Variants in IFNAR2 observed in about 807,000 individuals in gnomAD.
The protein encoded by IFNAR2 is interferon alpha and beta receptor subunit 2, also known as interferon alpha/beta receptor 2.
A neutral mutation model predicts 49.4 loss-of-function variants in IFNAR2; 30 were observed. The ratio of observed to expected loss-of-function variants is 0.61; its 90% CI spans 0.45 to 0.82. IFNAR2 has a LOEUF of 0.82. Among genes scored for constraint, IFNAR2 ranks in the 40% least tolerant of loss-of-function variants. The pLI is 0.00. For missense variants in IFNAR2, 600 were observed against 622.7 expected (o/e 0.96, Z 0.39); for synonymous variants, 224 against 234.5 (o/e 0.96, Z 0.41).
At chr21:33,238,671 G>C (rs915286075) in intron 1 of IFNAR2, among the ~76,000 whole-genome samples, 1 of 134,746 alleles carries the variant, frequency 7.4e-6, no homozygotes, top group Non-Finnish European at 1.6e-5. Context: ...GTGTTTTTTT[G>C]GGGGGGTTGT....
chr21:33,251,392 T>G (rs1170489188), intron 6 of IFNAR2: 1 of 183,720 alleles, frequency 5.4e-6, no homozygotes, highest in Non-Finnish European at 1.0e-5. Context: ...AAAAGTAGTT[T>G]TAATAGAGTT....
chr21:33,248,658 C>A, intron 5 of IFNAR2, 51 bp from the exon 6 acceptor site: 1 of 1,517,474 alleles, frequency 6.6e-7, no homozygotes, highest in South Asian at 1.3e-5. Flanking sequence ...ACTTTGTGGG[C>A]CACATATGGT....
In IFNAR2 at chr21:33,230,926, G is replaced by T. The variant is rs1568871950; in HGVS notation, c.-84+710G>T. 6.6e-6 allele frequency among the ~76,000 whole-genome samples: 1 copy of T among 152,220 alleles called. No individual in the cohort carries two copies. The highest frequency in any genetic ancestry group is 1.5e-5 in the Non-Finnish European group (1 of 68,038). Reference sequence around the variant, plus strand: ...AAATCAATCCGTTACACGCAGTAGCGAGTTGACTCCATCAGCCCGTTTATT... The same window carrying T: ...AAATCAATCCGTTACACGCAGTAGCTAGTTGACTCCATCAGCCCGTTTATT... On this transcript the variant is annotated intron_variant, in intron 1 of 8. Coordinates refer to ENST00000342136, the MANE Select transcript of IFNAR2 (RefSeq NM_001289125.3). This position sits in a 1 kb window ranked among gnomAD's most constrained non-coding sequence, Gnocchi z 5.5.
chr21:33,237,078 G>GGTGTGTGTGTGTGTGTGTGTGTGT (rs34322078), intron 1 of IFNAR2, among the ~76,000 whole-genome samples: 2 of 147,590 alleles, frequency 1.4e-5, no homozygotes, highest in African/African-American at 5.0e-5. Flanking sequence ...GGGAGAATGG[G>GGTGTGTGTGTGTGTGTGTGTGTGT]GTGTGTGTGT....
chr21:33,241,798 T>A, intron 1 of IFNAR2, 42 bp from the exon 2 acceptor site: 1 of 1,433,714 alleles, frequency 7.0e-7, no homozygotes. Flanking sequence ...TCCTTACAGG[T>A]CTCTCATTAT....
chr21:33,241,419 T>C (rs1986912691), intron 1 of IFNAR2, among the ~76,000 whole-genome samples: 1 of 152,180 alleles, frequency 6.6e-6, no homozygotes, highest in South Asian at 2.1e-4. Context: ...AGTAGAACTG[T>C]ATCCAGCTAT....
rs1295946802 is a variant in IFNAR2, at chr21:33,263,134, C to T, written c.1182C>T (p.Pro394=). The T allele has an allele frequency of 6.2e-7, 1 of 1,614,046 alleles. No homozygotes were observed. The highest frequency in any genetic ancestry group is 8.5e-7 in the Non-Finnish European group (1 of 1,180,040). ...SPQQLELLSG[P]CERRKSPLQD... ...AGCAGTTGGAACTCTTGAGTGGGCC[C>T]TGTGAGAGGAGAAAGAGTCCACTCC... The change falls in exon 9 of 9, where the codon CCC becomes CCT. Residue 394 remains proline, a synonymous_variant. Coordinates refer to ENST00000342136, the MANE Select transcript of IFNAR2 (RefSeq NM_001289125.3).
chr21:33,252,743 G>T lies in IFNAR2; in HGVS notation c.622G>T (p.Val208Leu). ...GTTAATTCCAAACACGAACTACTGT[G>T]TATCTGTTTATTTAGAGCACAGTGA... Reference protein sequence around the residue: ...DKLIPNTNYCVSVYLEHSDEQ... With the variant: ...DKLIPNTNYCLSVYLEHSDEQ... The change falls in exon 7 of 9, where the codon GTA becomes TTA. Residue 208 changes from valine to leucine, a missense_variant. Coordinates refer to ENST00000342136, the MANE Select transcript of IFNAR2 (RefSeq NM_001289125.3). 1 of 1,613,652 alleles carries T rather than the reference G, an allele frequency of 6.2e-7. No individual in the cohort carries two copies. The highest frequency in any genetic ancestry group is 1.1e-5 in the South Asian group (1 of 91,060).
chr21:33,261,513 A>G (rs1368306544), intron 8 of IFNAR2, among the ~76,000 whole-genome samples: 1 of 152,080 alleles, frequency 6.6e-6, no homozygotes, highest in Non-Finnish European at 1.5e-5. Context: ...ACATTTTTAT[A>G]TGGATCGTCT....
intron 3 of IFNAR2, 40 bp from the exon 4 acceptor site, chr21:33,244,911 G>T: frequency 6.2e-7 from 1 of 1,607,654 alleles, no homozygotes; most frequent in South Asian, 1.1e-5. Flanking sequence ...ATACAACTGT[G>T]GGTTCCAAAT....
Position 33,260,736 on chromosome 21 carries a change from T to G in IFNAR2, c.840+9T>G, listed in dbSNP as rs1568895366. The G allele has an allele frequency of 6.8e-7, 1 of 1,480,336 alleles. No individual in the cohort carries two copies. The highest frequency in any genetic ancestry group is 9.0e-7 in the Non-Finnish European group (1 of 1,115,716). 91.7% of individuals were successfully genotyped at this position (1,480,336 alleles called of 1,614,324 possible). A position where few individuals can be genotyped will look rare whatever the true frequency, so the allele number is the denominator to read the frequency against. On this transcript the variant is annotated intron_variant, in intron 8 of 8. Coordinates refer to ENST00000342136, the MANE Select transcript of IFNAR2 (RefSeq NM_001289125.3). ...GCCTCCCCAAAGTCTTGGTAGGTAG[T>G]TTTTTTGTTTTGTTTTGTTTTTTCT...
chr21:33,263,188 C>T lies in IFNAR2; in HGVS notation c.1236C>T (p.Ser412=), dbSNP rs748444111. The change falls in exon 9 of 9, where the codon AGC becomes AGT. Residue 412 remains serine, a synonymous_variant. Coordinates refer to ENST00000342136, the MANE Select transcript of IFNAR2 (RefSeq NM_001289125.3). ...LQDPFPEEDY[S]STEGSGGRIT... ...ACCCTTTTCCCGAAGAGGACTACAG[C>T]TCCACGGAGGGGTCTGGGGGCAGAA... is the stretch of plus-strand genomic sequence containing the variant. The T allele has an allele frequency of 1.9e-6, 3 of 1,614,202 alleles. No homozygotes were observed. The highest frequency in any genetic ancestry group is 2.2e-5 in the East Asian group (1 of 44,882).
At chr21:33,243,433 A>G (rs907414648) in intron 2 of IFNAR2, among the ~76,000 whole-genome samples, 6 of 152,116 alleles carry the variant, frequency 3.9e-5, no homozygotes, top group Non-Finnish European at 5.9e-5. Flanking sequence ...GACCGTACAT[A>G]TTGTTGTTAG....
rs1273407111 is a variant in IFNAR2 at position 33,230,323 on chromosome 21, C to G, written c.-84+107C>G. ...CCCGGAATCCCCTCCGGTTCCCTCT[C>G]GCTCTCCCCGACTCCTCCTCCTCCT... On this transcript the variant is annotated intron_variant, in intron 1 of 8. Coordinates refer to ENST00000342136, the MANE Select transcript of IFNAR2 (RefSeq NM_001289125.3). This position sits in a 1 kb window ranked among gnomAD's most constrained non-coding sequence, Gnocchi z 5.5. 1 of 944,538 alleles carries G rather than the reference C, an allele frequency of 1.1e-6. No individual in the cohort carries two copies. The allele number at this position is 944,538 out of a possible 1,614,324, so 58.5% of individuals were successfully genotyped here.
At chr21:33,249,357 A>G (rs914450179) in intron 6 of IFNAR2, among the ~76,000 whole-genome samples, 1 of 151,972 alleles carries the variant, frequency 6.6e-6, no homozygotes, top group African/African-American at 2.4e-5. Context: ...AAAAAAAAAA[A>G]AAAAAAAGAG....
chr21:33,246,595 A>T (rs1434132052), intron 4 of IFNAR2, 123 bp from the exon 5 acceptor site: 3 of 683,464 alleles, frequency 4.4e-6, no homozygotes, highest in Non-Finnish European at 7.3e-6. Flanking sequence ...GTTGGGGAAG[A>T]TCACTTAATA....
At chr21:33,253,921 CCCTATCTCAT>C (rs1220090050) in intron 7 of IFNAR2, among the ~76,000 whole-genome samples, 1 of 152,112 alleles carries the variant, frequency 6.6e-6, no homozygotes, top group Non-Finnish European at 1.5e-5. Context: ...TGTGCCAACC[CCCTATCTCAT>C]CCTGTAAGTT....
At chr21:33,238,576 A>G (rs1986660414) in intron 1 of IFNAR2, among the ~76,000 whole-genome samples, 1 of 152,196 alleles carries the variant, frequency 6.6e-6, no homozygotes, top group Admixed American at 6.5e-5. Context: ...GGAGTAGGGA[A>G]GACTTTCTGA....
At chr21:33,239,529 T>G (rs1986752569) in intron 1 of IFNAR2, among the ~76,000 whole-genome samples, 1 of 151,680 alleles carries the variant, frequency 6.6e-6, no homozygotes, top group African/African-American at 2.4e-5. Context: ...GAGCTGCAGG[T>G]TCTGTACTCT....
Sources: gnomAD v4.1 joint callset for allele counts (sites outside exome capture counted in the v4.1 genomes callset) on GRCh38, gnomAD v4.1.1 for gene constraint, Gnocchi (gnomAD v3.1) non-coding constraint, MANE v1.5 for transcripts, NCBI Gene and HGNC (gene_info 2026-07-23, HGNC 2026-07-21) for gene names.